RSU1: variants seen among roughly 807,000 people sequenced by gnomAD.
RSU1 encodes Ras suppressor protein 1.
A neutral mutation model predicts 31.1 loss-of-function variants in RSU1; 26 were observed. The observed-to-expected ratio is 0.84, with a 90% CI of 0.61 to 1.16. The LOEUF (loss-of-function observed/expected upper bound fraction) is 1.16. RSU1 is among the 50% of genes most tolerant of loss of function. The probability of loss-of-function intolerance (pLI) is 0.00; values close to 1 mark genes in which losing one functional copy is unlikely to be tolerated. For synonymous variants in RSU1, 164 were observed against 136.3 expected (o/e 1.20, Z -1.41); for missense variants, 320 against 339.1 (o/e 0.94, Z 0.44).
At chr10:16,692,645 A>G (rs184641486) in intron 8 of RSU1, among the ~76,000 whole-genome samples, 1 of 152,242 alleles carries the variant, frequency 6.6e-6, no homozygotes, top group African/African-American at 2.4e-5. Flanking sequence ...ACAAAGAAGA[A>G]GATAAACAAT....
chr10:16,720,652 T>G (rs1191679143), intron 7 of RSU1, among the ~76,000 whole-genome samples: 1 of 152,228 alleles, frequency 6.6e-6, no homozygotes, highest in African/African-American at 2.4e-5. Context: ...TCTTAAGGAA[T>G]GCAACACCCT....
rs1176596722 is a variant in RSU1 at position 16,696,769 on chromosome 10, G to A, written c.599-1614C>T. Reference sequence around the variant, plus strand: ...TGCCTAGGGCGAATGAAAACCCAGGGGTGGTATGCATTCTGCTTAGCTGAG... The same window carrying A: ...TGCCTAGGGCGAATGAAAACCCAGGAGTGGTATGCATTCTGCTTAGCTGAG... On this transcript the variant is annotated intron_variant, in intron 7 of 8. Transcript: ENST00000345264. 2.0e-5 allele frequency among the ~76,000 whole-genome samples: 3 copies of A among 152,134 alleles called. No individual in the cohort carries two copies. The East Asian group carries it at 5.8e-4, about 29-fold the overall frequency.
At chr10:16,744,755 A>C (rs1836816804) in intron 7 of RSU1, among the ~76,000 whole-genome samples, 1 of 152,284 alleles carries the variant, frequency 6.6e-6, no homozygotes, top group Middle Eastern at 3.4e-3. Flanking sequence ...AGACTTGGAA[A>C]ATTGCTTGTA....
intron 2 of RSU1, among the ~76,000 whole-genome samples, chr10:16,796,962 C>A (rs755484994): frequency 6.6e-6 from 1 of 152,200 alleles, no homozygotes; most frequent in African/African-American, 2.4e-5. Context: ...CAAGGGGCAA[C>A]TAACAAACTT....
At position 16,764,484 on chromosome 10, in the gene RSU1, T is replaced by G. The variant is rs1457596796; in HGVS notation, c.187A>C (p.Lys63Gln). The change falls in exon 4 of 9, where the codon AAG becomes CAG. Residue 63 changes from lysine (K) to glutamine (Q), a missense_variant. Transcript: ENST00000345264. ...TMVPPNIAELKNLEVLNFFNN... is the reference protein window; with the variant it reads ...TMVPPNIAELQNLEVLNFFNN... ...AAAAAGTTGAGCACCTCCAAATTCT[T>G]CAGTTCTGCGATGTTCGGTGGCACC... The G allele has an allele frequency of 3.1e-6, 5 of 1,613,828 alleles. No individual in the cohort carries two copies. The highest frequency in any genetic ancestry group is 4.2e-6 in the Non-Finnish European group (5 of 1,179,946).
chr10:16,797,566 A>G (rs1477396830), intron 2 of RSU1, among the ~76,000 whole-genome samples: 1 of 152,222 alleles, frequency 6.6e-6, no homozygotes, highest in Admixed American at 6.5e-5. Flanking sequence ...GAAGAACATC[A>G]TTGACCATGA....
At chr10:16,666,688 G>A (rs1337797721) in intron 8 of RSU1, among the ~76,000 whole-genome samples, 2 of 152,132 alleles carry the variant, frequency 1.3e-5, no homozygotes, top group Non-Finnish European at 2.9e-5. Flanking sequence ...AACTCAGGGT[G>A]TTAAAAAATG....
intron 8 of RSU1, among the ~76,000 whole-genome samples, chr10:16,664,078 C>A (rs566304678): frequency 6.6e-6 from 1 of 152,250 alleles, no homozygotes; most frequent in Admixed American, 6.5e-5. Context: ...ACTGACCTTT[C>A]CTTTATTGCA....
intron 8 of RSU1, among the ~76,000 whole-genome samples, chr10:16,599,235 C>T (rs180674322): frequency 1.2e-3 from 180 of 151,778 alleles, no homozygotes; most frequent in Non-Finnish European, 1.9e-3. Context: ...CAGGGCCATG[C>T]GGGGAAGTGC....
intron 8 of RSU1, among the ~76,000 whole-genome samples, chr10:16,625,324 C>T (rs992098009): frequency 1.4e-4 from 21 of 152,294 alleles, no homozygotes; most frequent in Non-Finnish European, 7.3e-5. Flanking sequence ...CCCGCCCCTA[C>T]CCACTCTCAT....
At position 16,752,590 on chromosome 10, in the gene RSU1, T is replaced by C; in HGVS notation, c.547A>G (p.Lys183Glu). Residue 183 changes from lysine to glutamate, a missense_variant, in exon 7 of 9, where the codon AAA (lysine) becomes GAA (glutamate). Coordinates refer to ENST00000345264, the MANE Select transcript of RSU1 (RefSeq NM_012425.4). ...CGGTTCCCCTGAATGTGGAGCTCTTTAAGCTGGGTAAGCTCCCCGATTTCC... is the reference window on the plus strand; with the variant it reads ...CGGTTCCCCTGAATGTGGAGCTCTTCAAGCTGGGTAAGCTCCCCGATTTCC... ...PKEIGELTQLKELHIQGNRLT... is the reference protein window; with the variant it reads ...PKEIGELTQLEELHIQGNRLT... 6.2e-7 allele frequency: 1 copy of C among 1,614,182 alleles called. No individual in the cohort carries two copies. The highest frequency in any genetic ancestry group is 8.5e-7 in the Non-Finnish European group (1 of 1,180,014).
intron 2 of RSU1, among the ~76,000 whole-genome samples, chr10:16,786,669 C>T (rs921632510): frequency 6.6e-6 from 1 of 152,118 alleles, no homozygotes; most frequent in Non-Finnish European, 1.5e-5. Flanking sequence ...ACGTTCACCC[C>T]AATCTACCCA....
At chr10:16,616,420 C>T (rs180716418) in intron 8 of RSU1, among the ~76,000 whole-genome samples, 83 of 149,096 alleles carry the variant, frequency 5.6e-4, no homozygotes, top group African/African-American at 1.8e-3. Context: ...GGATTCACAG[C>T]CAAATTCTAC....
intron 7 of RSU1, among the ~76,000 whole-genome samples, chr10:16,722,715 GCTAT>G (rs1836290910): frequency 1.3e-5 from 2 of 152,006 alleles, no homozygotes; most frequent in East Asian, 1.9e-4. Flanking sequence ...AGAAAAGCAA[GCTAT>G]CTGTCTTAAG....
chr10:16,608,932 A>G (rs538472451), intron 8 of RSU1, among the ~76,000 whole-genome samples: 1 of 152,254 alleles, frequency 6.6e-6, no homozygotes, highest in South Asian at 2.1e-4. Flanking sequence ...TCCTGGACTC[A>G]ATAGATCCTC....
At chr10:16,727,062 C>T (rs768686457) in intron 7 of RSU1, 12 of 456,494 alleles carry the variant, frequency 2.6e-5, no homozygotes, top group Non-Finnish European at 5.3e-5. Context: ...TTTCAAGGAA[C>T]TAATTAATGT....
intron 7 of RSU1, among the ~76,000 whole-genome samples, chr10:16,715,956 C>A (rs1724843780): frequency 6.6e-6 from 1 of 152,174 alleles, no homozygotes; most frequent in South Asian, 2.1e-4. Flanking sequence ...TAAATATAGG[C>A]AAGCATTTCC....
At chr10:16,622,929 T>C (rs919574599) in intron 8 of RSU1, among the ~76,000 whole-genome samples, 1 of 152,178 alleles carries the variant, frequency 6.6e-6, no homozygotes, top group Non-Finnish European at 1.5e-5. Context: ...TGTCTAAGTA[T>C]GAAATTAGGA....
chr10:16,752,683 A>G (rs1212802668), intron 6 of RSU1, 30 bp from the exon 7 acceptor site: 1 of 1,517,534 alleles, frequency 6.6e-7, no homozygotes, highest in East Asian at 2.3e-5. Context: ...TTGTCAACAT[A>G]TTTACACATT....
Sources: allele counts gnomAD v4.1 joint callset (sites outside exome capture counted in the v4.1 genomes callset), GRCh38; gene constraint gnomAD v4.1.1; transcripts MANE v1.5; gene names NCBI Gene and HGNC (gene_info 2026-07-23, HGNC 2026-07-21).